The following SKAP1 variants were observed in gnomAD, a reference collection of about 807,000 sequenced individuals.
The protein encoded by SKAP1 is src kinase-associated phosphoprotein 1.
Under a neutral mutation model 58.5 loss-of-function variants are expected in SKAP1, and 44 were observed. The observed-to-expected ratio is 0.75, with a 90% CI of 0.59 to 0.97. The LOEUF (loss-of-function observed/expected upper bound fraction) is 0.97, where lower values mean the gene tolerates loss of function less well. SKAP1 is among the 50% of genes least tolerant of loss of function. The pLI is 0.00. For synonymous variants in SKAP1, 127 were observed against 149.7 expected (o/e 0.85, Z 1.11); for missense variants, 390 against 435.2 (o/e 0.90, Z 0.92).
At chr17:48,384,883 C>T (rs2067257425) in intron 2 of SKAP1, among the ~76,000 whole-genome samples, 1 of 152,112 alleles carries the variant, frequency 6.6e-6, no homozygotes, top group Non-Finnish European at 1.5e-5. Flanking sequence ...GTCTCCCATG[C>T]ACAGGGGAAG....
At chr17:48,322,321 T>C (rs1182219727) in intron 4 of SKAP1, among the ~76,000 whole-genome samples, 1 of 152,262 alleles carries the variant, frequency 6.6e-6, no homozygotes, top group Non-Finnish European at 1.5e-5. Context: ...CTGAAATGTT[T>C]GCTGAATTGT....
intron 2 of SKAP1, among the ~76,000 whole-genome samples, chr17:48,384,910 A>G (rs1452084935): frequency 6.6e-6 from 1 of 152,176 alleles, no homozygotes; most frequent in Non-Finnish European, 1.5e-5. Flanking sequence ...AGCTATGGAC[A>G]TGCATGTAAC....
At chr17:48,361,129 C>T (rs2066932009) in intron 3 of SKAP1, among the ~76,000 whole-genome samples, 1 of 151,574 alleles carries the variant, frequency 6.6e-6, no homozygotes, top group African/African-American at 2.4e-5. Context: ...CTATACTGTA[C>T]ACCACTAACT....
chr17:48,325,248 C>CAAAAAAAAA (rs200281665), intron 4 of SKAP1, among the ~76,000 whole-genome samples: 5 of 91,462 alleles, frequency 5.5e-5, no homozygotes, highest in Admixed American at 2.4e-4. Context: ...GACTCCGTCT[C>CAAAAAAAAA]AAAAAAAAAA....
intron 11 of SKAP1, among the ~76,000 whole-genome samples, chr17:48,145,384 C>T (rs2063817967): frequency 6.7e-6 from 1 of 150,226 alleles, no homozygotes; most frequent in African/African-American, 2.5e-5. Flanking sequence ...TTTCACACTG[C>T]CATAAAAGGA....
At chr17:48,136,270 C>T (rs1392201621) in intron 12 of SKAP1, among the ~76,000 whole-genome samples, 2 of 151,780 alleles carry the variant, frequency 1.3e-5, no homozygotes, top group African/African-American at 4.8e-5. Flanking sequence ...CTCCCGGGTT[C>T]AAGCGATTCT....
At chr17:48,300,774 C>A (rs2066046536) in intron 4 of SKAP1, among the ~76,000 whole-genome samples, 3 of 152,154 alleles carry the variant, frequency 2.0e-5, no homozygotes, top group Non-Finnish European at 4.4e-5. Flanking sequence ...TCTTTAATGG[C>A]TGCCTTAAAC....
intron 4 of SKAP1, among the ~76,000 whole-genome samples, chr17:48,339,348 G>A (rs1030755149): frequency 1.3e-5 from 2 of 152,014 alleles, no homozygotes; most frequent in African/African-American, 4.8e-5. Flanking sequence ...ACTTATTTAT[G>A]GAAAGAGACT....
chr17:48,214,972 G>C (rs534575386), intron 4 of SKAP1, among the ~76,000 whole-genome samples: 5 of 33,306 alleles, frequency 1.5e-4, no homozygotes, highest in African/African-American at 4.0e-4. Context: ...AAAATAAACA[G>C]ATGGCATTCC....
intron 4 of SKAP1, among the ~76,000 whole-genome samples, chr17:48,256,494 G>A (rs1444293977): frequency 6.6e-6 from 1 of 152,096 alleles, no homozygotes; most frequent in African/African-American, 2.4e-5. Flanking sequence ...CTTTTAGTCT[G>A]TGGCATCACG....
intron 1 of SKAP1, among the ~76,000 whole-genome samples, chr17:48,414,957 A>G (rs917612194): frequency 1.3e-5 from 2 of 152,234 alleles, no homozygotes; most frequent in African/African-American, 4.8e-5. Flanking sequence ...TTTTCAAACT[A>G]CTAAAAGATT....
At chr17:48,361,193 C>T (rs2066933240) in intron 3 of SKAP1, among the ~76,000 whole-genome samples, 1 of 150,762 alleles carries the variant, frequency 6.6e-6, no homozygotes, top group African/African-American at 2.4e-5. Context: ...CTTGATAAGG[C>T]TGCCTTGGTT....
chr17:48,253,263 C>G (rs1036496402), intron 4 of SKAP1, among the ~76,000 whole-genome samples: 1 of 152,192 alleles, frequency 6.6e-6, no homozygotes, highest in Non-Finnish European at 1.5e-5. Context: ...ACTTAGAAGT[C>G]TAACCCTTAA....
At chr17:48,374,201 ATTTTTGTTTT>A (rs1567888926) in intron 2 of SKAP1, among the ~76,000 whole-genome samples, 1 of 111,734 alleles carries the variant, frequency 8.9e-6, no homozygotes, top group East Asian at 2.3e-4. Flanking sequence ...TGCCTGGCTA[ATTTTTGTTTT>A]TTTTTTTTTT....
rs776507061 is a variant in SKAP1 at position 48,162,492 on chromosome 17, C to T, written c.955G>A (p.Asp319Asn). 6 of 1,613,838 alleles carry T rather than the reference C, an allele frequency of 3.7e-6. No homozygotes were observed. In the African/African-American group the frequency reaches 8.0e-5, roughly 22 times the overall value. Residue 319 changes from aspartate (D) to asparagine (N), a missense_variant, in exon 11 of 13, where the codon GAC becomes AAC. Transcript: ENST00000336915. Reference protein sequence around the residue: ...QPDELSFQRGDLIRILSKEYN... With the variant: ...QPDELSFQRGNLIRILSKEYN... ...ACCTTGCTCAGAATACGGATGAGGT[C>T]ACCCCGTTGGAAGGACAGTTCATCT...
intron 11 of SKAP1, among the ~76,000 whole-genome samples, chr17:48,147,150 A>AT (rs1362450210): frequency 1.3e-5 from 2 of 152,204 alleles, no homozygotes; most frequent in Non-Finnish European, 2.9e-5. Context: ...AAAGTTCCCT[A>AT]TATCAGTGCT....
chr17:48,387,998 AAAT>A lies in SKAP1; in HGVS notation c.152+8679_152+8681del, dbSNP rs1598643058. 2.0e-5 allele frequency among the ~76,000 whole-genome samples: 3 copies of A among 152,204 alleles called. No individual in the cohort carries two copies. In the East Asian group the frequency reaches 5.8e-4, roughly 29 times the overall value. On this transcript the variant is annotated intron_variant, in intron 2 of 12. Transcript: ENST00000336915. ...TATCCCCTAGTTCAGTATTACCCAA[AAAT>A]AATAAGATTATTCCTAGAAAATTAT...
At chr17:48,348,370 G>A (rs1186521238) in intron 3 of SKAP1, among the ~76,000 whole-genome samples, 3 of 146,514 alleles carry the variant, frequency 2.0e-5, no homozygotes, top group South Asian at 2.2e-4. Context: ...AGAAAGAAAA[G>A]AAGAAAGAAA....
chr17:48,315,408 T>C (rs909241307), intron 4 of SKAP1, among the ~76,000 whole-genome samples: 2 of 152,226 alleles, frequency 1.3e-5, no homozygotes, highest in Admixed American at 6.5e-5. Context: ...CACTGCTACA[T>C]AGTGATAAGA....
Sources: gnomAD v4.1 joint callset for allele counts (sites outside exome capture counted in the v4.1 genomes callset) on GRCh38, gnomAD v4.1.1 for gene constraint, MANE v1.5 for transcripts, NCBI Gene and HGNC (gene_info 2026-07-23, HGNC 2026-07-21) for gene names.